Variants in OSMR observed in about 807,000 individuals in gnomAD.
OSMR encodes oncostatin-M-specific receptor subunit beta.
OSMR carries 81 observed loss-of-function variants against 99.9 expected under a neutral mutation model. The observed-to-expected ratio is 0.81, with a 90% CI of 0.68 to 0.97. OSMR has a LOEUF of 0.97. Ranked by LOEUF, OSMR falls within the 50% of genes least tolerant of loss-of-function variation. The pLI, the probability that OSMR is intolerant of heterozygous loss-of-function variation, is 0.00. For synonymous variants in OSMR, 406 were observed against 410.4 expected, an observed-to-expected ratio of 0.99 and a Z score of 0.13; for missense variants, 1,099 against 1,153.4, an observed-to-expected ratio of 0.95 and a Z score of 0.68.
intron 3 of OSMR, among the ~76,000 whole-genome samples, chr5:38,879,328 C>T (rs1305236787): frequency 6.6e-6 from 1 of 152,230 alleles, no homozygotes; most frequent in African/African-American, 2.4e-5. Context: ...AGTGCATGCT[C>T]AGGTTTTGTT....
At chr5:38,855,427 CAT>C (rs1740762293) in intron 1 of OSMR, among the ~76,000 whole-genome samples, 1 of 152,120 alleles carries the variant, frequency 6.6e-6, no homozygotes, top group African/African-American at 2.4e-5. Context: ...TTGAACTTAA[CAT>C]GTGGCAAATT....
intron 7 of OSMR, among the ~76,000 whole-genome samples, chr5:38,897,894 T>C (rs1744623963): frequency 6.6e-6 from 1 of 152,170 alleles, no homozygotes; most frequent in Non-Finnish European, 1.5e-5. Flanking sequence ...GTTTAATTTC[T>C]ATGTAGTTTA....
chr5:38,855,288 G>A (rs187155441), intron 1 of OSMR, among the ~76,000 whole-genome samples: 1 of 152,238 alleles, frequency 6.6e-6, no homozygotes. Flanking sequence ...TAGTCTTATG[G>A]GTTTAAGTAC....
rs1364046677 is a variant in OSMR, at chr5:38,883,894, C to A, written c.486C>A (p.Thr162=). The change falls in exon 5 of 18, where the codon ACC becomes ACA. Residue 162 remains threonine, a synonymous_variant. Transcript: ENST00000274276. Reference sequence around the variant, plus strand: ...AAGATAAGCTGGTGGAAGAAGGCACCAATGTTACCATTTGTTACGTTTCTA... The same window carrying A: ...AAGATAAGCTGGTGGAAGAAGGCACAAATGTTACCATTTGTTACGTTTCTA... ...FPKDKLVEEG[T]NVTICYVSRN... is the part of the protein sequence containing the mutation. 2 of 1,612,910 alleles carry A rather than the reference C, an allele frequency of 1.2e-6. No homozygotes were observed.
chr5:38,883,921 G>A lies in OSMR; in HGVS notation c.513G>A (p.Arg171=). ...ATGTTACCATTTGTTACGTTTCTAG[G>A]AACATTCAAAATAATGTATCCTGTT... ...GTNVTICYVS[R]NIQNNVSCYL... Residue 171 remains arginine, a synonymous_variant, in exon 5 of 18, where the codon AGG becomes AGA. Coordinates refer to ENST00000274276, the MANE Select transcript of OSMR (RefSeq NM_003999.3). The A allele has an allele frequency of 1.2e-6, 2 of 1,613,784 alleles. No individual in the cohort carries two copies. The highest frequency in any genetic ancestry group is 1.7e-6 in the Non-Finnish European group (2 of 1,179,736).
intron 4 of OSMR, among the ~76,000 whole-genome samples, chr5:38,882,346 G>A (rs955553455): frequency 1.3e-5 from 2 of 152,162 alleles, no homozygotes; most frequent in South Asian, 2.1e-4. Context: ...AGGCCAAGGC[G>A]GGTGGATCAC....
chr5:38,932,430 GA>G, intron 16 of OSMR, 32 bp from the exon 17 acceptor site: 1 of 1,537,764 alleles, frequency 6.5e-7, no homozygotes, highest in Non-Finnish European at 9.0e-7. Flanking sequence ...ACTGTACTGT[GA>G]AATTCAGTCT....
intron 15 of OSMR, among the ~76,000 whole-genome samples, chr5:38,931,047 C>G (rs559088504): frequency 6.6e-6 from 1 of 151,652 alleles, no homozygotes; most frequent in East Asian, 1.9e-4. Flanking sequence ...CTCTATTTGT[C>G]AGGGTTTCCT....
chr5:38,919,215 A>G (rs1746103948), intron 11 of OSMR, 153 bp downstream of exon 11: 2 of 1,533,696 alleles, frequency 1.3e-6, no homozygotes, highest in African/African-American at 1.4e-5. Context: ...AGGTGTGTCA[A>G]CGTGTTTCAG....
chr5:38,901,205 C>T (rs1309707706), intron 7 of OSMR, among the ~76,000 whole-genome samples: 1 of 152,170 alleles, frequency 6.6e-6, no homozygotes, highest in Non-Finnish European at 1.5e-5. Flanking sequence ...GGTGGCAGCC[C>T]AATGGACCCC....
chr5:38,910,411 A>T (rs1455481489), intron 9 of OSMR, among the ~76,000 whole-genome samples: 3 of 152,172 alleles, frequency 2.0e-5, no homozygotes, highest in Non-Finnish European at 1.5e-5. Context: ...AATATACATT[A>T]TTCTCATCTG....
At chr5:38,908,600 G>A (rs1472452445) in intron 9 of OSMR, among the ~76,000 whole-genome samples, 1 of 152,202 alleles carries the variant, frequency 6.6e-6, no homozygotes, top group East Asian at 1.9e-4. Flanking sequence ...AAAGGTGGGG[G>A]CCTGATACCA....
rs778009714 is a variant in OSMR at position 38,883,941 on chromosome 5, C to A, written c.533C>A (p.Ser178Tyr). 6 of 1,613,606 alleles carry A rather than the reference C, an allele frequency of 3.7e-6. No homozygotes were observed. Among genetic ancestry groups the A allele is most frequent in the Non-Finnish European group, 5.1e-6 (6 of 1,179,598 alleles). The change falls in exon 5 of 18, where the codon TCC (serine) becomes TAC (tyrosine). Residue 178 changes from serine (S) to tyrosine (Y), a missense_variant. By Grantham distance (144) the Ser-to-Tyr change is moderately radical (BLOSUM62 -2). Coordinates refer to ENST00000274276, the MANE Select transcript of OSMR (RefSeq NM_003999.3). ...TCTAGGAACATTCAAAATAATGTAT[C>A]CTGTTATTTGGAAGGGAAACAGATT... is the stretch of plus-strand genomic sequence containing the variant. ...YVSRNIQNNV[S>Y]CYLEGKQIHG...
At chr5:38,923,397 TA>T in intron 13 of OSMR, 143 bp downstream of exon 13, 1 of 651,902 alleles carries the variant, frequency 1.5e-6, no homozygotes, top group Non-Finnish European at 2.7e-6. Flanking sequence ...TTTTTAAAAT[TA>T]TTTTTTAATC....
intron 7 of OSMR, among the ~76,000 whole-genome samples, chr5:38,893,821 A>C (rs868437208): frequency 6.6e-6 from 1 of 152,222 alleles, no homozygotes; most frequent in African/African-American, 2.4e-5. Context: ...CAAGAAATCC[A>C]GAGAACACCT....
rs774897034 is a variant in OSMR, at chr5:38,921,764, C to A, written c.1735C>A (p.Pro579Thr). The change falls in exon 12 of 18, where the codon CCC becomes ACC. Residue 579 changes from proline (P) to threonine (T), a missense_variant. Physicochemically the swap from Pro to Thr is conservative, Grantham distance 38. Transcript: ENST00000274276. ...TGATTTCCAGTGGAAGAATGTAGGT[C>A]CCAATACCACAAGCACAGTCATTAG... ...LGDFQWKNVGPNTTSTVISTD... is the reference protein window; with the variant it reads ...LGDFQWKNVGTNTTSTVISTD... 1 of 1,614,018 alleles carries A rather than the reference C, an allele frequency of 6.2e-7. No individual in the cohort carries two copies. Among genetic ancestry groups the A allele is most frequent in the South Asian group, 1.1e-5 (1 of 91,062 alleles).
intron 8 of OSMR, 38 bp downstream of exon 8, chr5:38,904,062 T>C (rs762461590): frequency 4.0e-6 from 6 of 1,488,342 alleles, no homozygotes; most frequent in East Asian, 5.1e-5. Flanking sequence ...TCAAAAATTC[T>C]TTTTTTGTCC....
intron 17 of OSMR, 134 bp downstream of exon 17, chr5:38,932,669 C>A: frequency 6.5e-7 from 1 of 1,537,718 alleles, no homozygotes; most frequent in Non-Finnish European, 8.8e-7. Context: ...GCACCCACAG[C>A]CATGAAATAG....
chr5:38,891,290 C>G (rs1331773140), intron 7 of OSMR, among the ~76,000 whole-genome samples: 1 of 152,226 alleles, frequency 6.6e-6, no homozygotes, highest in Non-Finnish European at 1.5e-5. Context: ...AGGAAGGAGG[C>G]AAGGTGCTCC....
Sources: gnomAD v4.1 joint callset for allele counts (sites outside exome capture counted in the v4.1 genomes callset) on GRCh38, gnomAD v4.1.1 for gene constraint, MANE v1.5 for transcripts, NCBI Gene and HGNC (gene_info 2026-07-23, HGNC 2026-07-21) for gene names.